The following DUSP19 variants were observed in gnomAD, a reference collection of about 807,000 sequenced individuals.
The protein encoded by DUSP19 is dual specificity phosphatase 19.
A neutral mutation model predicts 16.6 loss-of-function variants in DUSP19; 14 were observed. That is an observed-to-expected ratio of 0.84 (90% CI 0.56 to 1.32). DUSP19 has a LOEUF of 1.32. Among genes scored for constraint, DUSP19 ranks in the 40% most tolerant of loss-of-function variants. The pLI, the probability that DUSP19 is intolerant of heterozygous loss-of-function variation, is 0.00. For missense variants in DUSP19, 258 were observed against 255.9 expected, an observed-to-expected ratio of 1.01 and a Z score of -0.06; for synonymous variants, 81 against 90.5, an observed-to-expected ratio of 0.90 and a Z score of 0.59.
chr2:183,081,390 G>A (rs1699590499), intron 1 of DUSP19, among the ~76,000 whole-genome samples: 1 of 152,124 alleles, frequency 6.6e-6, no homozygotes, highest in Admixed American at 6.5e-5. Flanking sequence ...GAATACAGGT[G>A]CACACCACCA....
At position 183,099,312 on chromosome 2, in the gene DUSP19, T is replaced by C. The variant is rs1699844117; in HGVS notation, c.*3654T>C. The C allele has an allele frequency of 5.3e-5, 8 of 152,190 alleles. No individual in the cohort carries two copies. Among genetic ancestry groups the C allele is most frequent in the Admixed American group, 5.2e-4 (8 of 15,286 alleles). 9.4% of individuals were successfully genotyped at this position (152,190 alleles called of 1,614,324 possible). A position where few individuals can be genotyped will look rare whatever the true frequency, so the allele number is the denominator to read the frequency against. ...AACAACAGAAATGTGGCATGATTAC[T>C]TATTTATTTGTTCCAGGTGACTCTA... On this transcript the variant is annotated 3_prime_UTR_variant, in exon 4 of 4. Coordinates refer to ENST00000354221, the MANE Select transcript of DUSP19 (RefSeq NM_080876.4).
chr2:183,083,636 T>C, intron 2 of DUSP19, 82 bp downstream of exon 2: 1 of 1,231,130 alleles, frequency 8.1e-7, no homozygotes, highest in Non-Finnish European at 1.1e-6. Flanking sequence ...TTGGTCCATC[T>C]TTGGTATATT....
chr2:183,086,990 A>T, intron 2 of DUSP19, 50 bp from the exon 3 acceptor site: 1 of 1,561,774 alleles, frequency 6.4e-7, no homozygotes, highest in Non-Finnish European at 8.6e-7. Context: ...CTTTTTAGGT[A>T]ACCTAATTCA....
intron 1 of DUSP19, among the ~76,000 whole-genome samples, 187 bp downstream of exon 1, chr2:183,079,346 A>G (rs1226966362): frequency 6.6e-6 from 1 of 152,210 alleles, no homozygotes; most frequent in Non-Finnish European, 1.5e-5. Flanking sequence ...TGTACCCATA[A>G]GAAGCATAGA....
chr2:183,081,085 A>G (rs907036179), intron 1 of DUSP19, among the ~76,000 whole-genome samples: 21 of 152,204 alleles, frequency 1.4e-4, no homozygotes, highest in African/African-American at 5.1e-4. Context: ...GAAAATGAAG[A>G]GTTGTAAAAA....
Position 183,095,659 on chromosome 2 carries a change from G to A in DUSP19, c.*1G>A. 1.2e-6 allele frequency: 2 copies of A among 1,607,622 alleles called. No individual in the cohort carries two copies. The highest frequency in any genetic ancestry group is 4.5e-5 in the East Asian group (2 of 44,798). Reference sequence around the variant, plus strand: ...CAGAATACAGGAGAACAGTTCATGAGTTGCATTGTAGCAGACAATGGACAA... The same window carrying A: ...CAGAATACAGGAGAACAGTTCATGAATTGCATTGTAGCAGACAATGGACAA... On this transcript the variant is annotated 3_prime_UTR_variant, in exon 4 of 4. Transcript: ENST00000354221.
chr2:183,087,111 T>G lies in DUSP19; in HGVS notation c.345T>G (p.Ile115Met). 3 of 1,613,434 alleles carry G rather than the reference T, an allele frequency of 1.9e-6. No individual in the cohort carries two copies. Among genetic ancestry groups the G allele is most frequent in the Non-Finnish European group, 2.5e-6 (3 of 1,179,854 alleles). Residue 115 changes from isoleucine to methionine, a missense_variant, in exon 3 of 4, where the codon ATT (isoleucine) becomes ATG (methionine). Transcript: ENST00000354221. ...TCAGTGACTTTACATATAAGAGCAT[T>G]TCTATATTGGATCTGCCTGAAACCA... ...AFLSDFTYKS[I>M]SILDLPETNI... is the part of the protein sequence containing the mutation.
Position 183,079,042 on chromosome 2 carries a change from G to A in DUSP19, c.109G>A (p.Asp37Asn), listed in dbSNP as rs1421249413. The A allele has an allele frequency of 1.9e-6, 3 of 1,614,054 alleles. No homozygotes were observed. In the African/African-American group the frequency reaches 4.0e-5, roughly 22 times the overall value. ...AAAGAAAATTATAGAAACATGGAAAGATGCCAGAATTCATGTTGTGGAAGA... is the reference window on the plus strand; with the variant it reads ...AAAGAAAATTATAGAAACATGGAAAAATGCCAGAATTCATGTTGTGGAAGA... ...TGKKIIETWK[D>N]ARIHVVEEVE... The change falls in exon 1 of 4, where the codon GAT (aspartate) becomes AAT (asparagine). Residue 37 changes from aspartate to asparagine, a missense_variant. Asp to Asn is a conservative substitution (Grantham distance 23). Transcript: ENST00000354221.
chr2:183,091,884 T>G (rs963521106), intron 3 of DUSP19, among the ~76,000 whole-genome samples: 5 of 152,204 alleles, frequency 3.3e-5, no homozygotes, highest in African/African-American at 1.2e-4. Flanking sequence ...CCTATTCTCT[T>G]GCTTTACTTC....
chr2:183,088,397 G>GTTTTTTTTTTTTTGTTT (rs1229529381), intron 3 of DUSP19, among the ~76,000 whole-genome samples: 1 of 121,332 alleles, frequency 8.2e-6, no homozygotes, highest in Non-Finnish European at 1.7e-5. Context: ...TGTTTTTTGT[G>GTTTTTTTTTTTTTGTTT]TTTTTTTTTT....
chr2:183,079,483 G>GA (rs1240999762), intron 1 of DUSP19, among the ~76,000 whole-genome samples: 3 of 151,566 alleles, frequency 2.0e-5, no homozygotes, highest in African/African-American at 4.8e-5. Context: ...AATACAGCTT[G>GA]AAAAAAAAGG....
rs763222811 is a variant in DUSP19 at position 183,099,172 on chromosome 2, G to C, written c.*3514G>C. 1.7e-4 allele frequency: 26 copies of C among 151,974 alleles called. No individual in the cohort carries two copies. Among genetic ancestry groups the C allele is most frequent in the Non-Finnish European group, 3.4e-4 (23 of 68,004 alleles). 9.4% of individuals were successfully genotyped at this position (151,974 alleles called of 1,614,324 possible). A position where few individuals can be genotyped will look rare whatever the true frequency, so the allele number is the denominator to read the frequency against. On this transcript the variant is annotated 3_prime_UTR_variant, in exon 4 of 4. Coordinates refer to ENST00000354221, the MANE Select transcript of DUSP19 (RefSeq NM_080876.4). Reference sequence around the variant, plus strand: ...ATATAGAAGGTCCCCTTCAAGTGTTGTTTCTCCAAGTAGTCATAAATGTAG... The same window carrying C: ...ATATAGAAGGTCCCCTTCAAGTGTTCTTTCTCCAAGTAGTCATAAATGTAG...
In DUSP19 at chr2:183,095,455, A is replaced by T. The variant is rs751311577; in HGVS notation, c.451A>T (p.Asn151Tyr). The change falls in exon 4 of 4, where the codon AAT becomes TAT. Residue 151 changes from asparagine to tyrosine, a missense_variant. Asn to Tyr is a moderately radical substitution (Grantham distance 143). Transcript: ENST00000354221. ...GGATGGAGTGGTTCTTGTTCATTGT[A>T]ATGCAGGCGTTTCCAGGGCTGCTGC... is the stretch of plus-strand genomic sequence containing the variant. ...RKDGVVLVHC[N>Y]AGVSRAAAIV... 1 of 1,611,114 alleles carries T rather than the reference A, an allele frequency of 6.2e-7. No homozygotes were observed.
chr2:183,078,757 G>T lies in DUSP19; in HGVS notation c.-177G>T, dbSNP rs1699550689. On this transcript the variant is annotated 5_prime_UTR_variant, in exon 1 of 4. Transcript: ENST00000354221. The stretch of plus-strand genomic sequence containing the variant: ...ATCAAATTTCGCCTTACATTGCATC[G>T]CTGGGATAAACGGAGCTGGACGACT... 5.0e-6 allele frequency: 3 copies of T among 598,908 alleles called. No homozygotes were observed. The highest frequency in any genetic ancestry group is 8.8e-6 in the Non-Finnish European group (3 of 342,274). The allele number at this position is 598,908 out of a possible 1,614,324, so 37.1% of individuals were successfully genotyped here.
At chr2:183,086,651 G>GAAAAA (rs71008262) in intron 2 of DUSP19, among the ~76,000 whole-genome samples, 8 of 95,702 alleles carry the variant, frequency 8.4e-5, no homozygotes, top group African/African-American at 2.4e-4. Flanking sequence ...CCTCTTCTCT[G>GAAAAA]AAAAAAAAAA....
intron 3 of DUSP19, among the ~76,000 whole-genome samples, chr2:183,087,597 TAGA>T (rs1699678134): frequency 6.6e-6 from 1 of 152,250 alleles, no homozygotes; most frequent in African/African-American, 2.4e-5. Context: ...TTTCTGAAGT[TAGA>T]AGACCAATAG....
chr2:183,095,411 G>GT lies in DUSP19; in HGVS notation c.427-17dup, dbSNP rs772878671. On this transcript the variant is annotated intron_variant, in intron 3 of 3. Coordinates refer to ENST00000354221, the MANE Select transcript of DUSP19 (RefSeq NM_080876.4). ...TCTCAAATGAATAATGAAGATTTTT[G>GT]TTTGTTTTTTTTTTTGTAGGATGGA... The GT allele has an allele frequency of 7.8e-6, 12 of 1,543,574 alleles. No homozygotes were observed. Among genetic ancestry groups the GT allele is most frequent in the African/African-American group, 3.0e-5 (2 of 67,488 alleles).
Position 183,098,501 on chromosome 2 carries a change from C to A in DUSP19, c.*2843C>A, listed in dbSNP as rs1470607870. The A allele has an allele frequency of 2.6e-5, 4 of 152,174 alleles. No individual in the cohort carries two copies. Among genetic ancestry groups the A allele is most frequent in the East Asian group, 1.9e-4 (1 of 5,200 alleles). The allele number at this position is 152,174 out of a possible 1,614,324, so 9.4% of individuals were successfully genotyped here. On this transcript the variant is annotated 3_prime_UTR_variant, in exon 4 of 4. Transcript: ENST00000354221. ...AAAAGAACTTTATGATTACGGTCCT[C>A]TTTCTCACATACTGCAAACTTAAAA...
rs531409692 is a variant in DUSP19, at chr2:183,093,032, A to G, written c.427-2399A>G. 2.3e-4 allele frequency among the ~76,000 whole-genome samples: 35 copies of G among 152,268 alleles called. 1 individual carries two copies. The South Asian group carries it at 7.3e-3, about 32-fold the overall frequency. ...GAAGTTTTAATGGAAGTTAAATATA[A>G]GGAAAAACACCTGGGCCTGGCTCAG... On this transcript the variant is annotated intron_variant, in intron 3 of 3. Transcript: ENST00000354221.
Sources: gnomAD v4.1 joint callset for allele counts (sites outside exome capture counted in the v4.1 genomes callset) on GRCh38, gnomAD v4.1.1 for gene constraint, MANE v1.5 for transcripts, NCBI Gene and HGNC (gene_info 2026-07-23, HGNC 2026-07-21) for gene names.